PDGFRB: variants seen among roughly 807,000 people sequenced by gnomAD.
The protein encoded by PDGFRB is platelet-derived growth factor receptor beta.
Under a neutral mutation model 120.2 loss-of-function variants are expected in PDGFRB, and 42 were observed. The ratio of observed to expected loss-of-function variants is 0.35; its 90% CI spans 0.27 to 0.45. The LOEUF (loss-of-function observed/expected upper bound fraction) is 0.45. PDGFRB is among the 20% of genes least tolerant of loss of function. The pLI, the probability that PDGFRB is intolerant of heterozygous loss-of-function variation, is 1.00. For synonymous variants in PDGFRB, 586 were observed against 606.8 expected (o/e 0.97, Z 0.50); for missense variants, 1,149 against 1,476.3 (o/e 0.78, Z 3.63).
intron 6 of PDGFRB, 79 bp from the exon 7 acceptor site, chr5:150,133,021 TG>T: frequency 9.6e-7 from 1 of 1,036,670 alleles, no homozygotes; most frequent in Admixed American, 2.3e-5. Flanking sequence ...GCCTGTGGGG[TG>T]GGGCTTCAGG....
At chr5:150,148,570 G>A (rs1760987317) in intron 1 of PDGFRB, among the ~76,000 whole-genome samples, 1 of 152,268 alleles carries the variant, frequency 6.6e-6, no homozygotes, top group Non-Finnish European at 1.5e-5. Flanking sequence ...AGCCCCGCCA[G>A]GCTGGGAGCA....
intron 22 of PDGFRB, 148 bp from the exon 23 acceptor site, chr5:150,116,094 C>T: frequency 1.6e-6 from 1 of 637,352 alleles, no homozygotes. Context: ...CTATGCAAGG[C>T]CTGCACCGTG....
intron 1 of PDGFRB, among the ~76,000 whole-genome samples, chr5:150,154,676 G>T (rs536832722): frequency 6.6e-6 from 1 of 152,166 alleles, no homozygotes; most frequent in African/African-American, 2.4e-5. Flanking sequence ...GGGAGACAAC[G>T]AGGAGGCCTG....
At chr5:150,139,297 A>G (rs1760716831) in intron 1 of PDGFRB, among the ~76,000 whole-genome samples, 1 of 152,074 alleles carries the variant, frequency 6.6e-6, no homozygotes, top group South Asian at 2.1e-4. Context: ...TGGCTTTACT[A>G]TGAATAGAGC....
rs201183721 is a variant in PDGFRB at position 150,124,352 on chromosome 5, G to A, written c.1921C>T (p.Arg641Cys). 12 of 1,613,612 alleles carry A rather than the reference G, an allele frequency of 7.4e-6. No homozygotes were observed. In the African/African-American group the frequency reaches 8.0e-5, roughly 11 times the overall value. The change falls in exon 14 of 23, where the codon CGC becomes TGC. Residue 641 changes from arginine (R) to cysteine (C), a missense_variant. Physicochemically the swap from Arg to Cys is radical, Grantham distance 180. This residue lies in a region of PDGFRB where 879 missense variants were observed against 1,108.6 expected (regional missense o/e 0.79). Coordinates refer to ENST00000261799, the MANE Select transcript of PDGFRB (RefSeq NM_002609.4). Reference sequence around the variant, plus strand: ...ATAAGGGCTTGCTTCTCACTGCTGCGGGCTGTGGCTGAGGAAAATGGGGGC... The same window carrying A: ...ATAAGGGCTTGCTTCTCACTGCTGCAGGCTGTGGCTGAGGAAAATGGGGGC... ...VAVKMLKSTA[R>C]SSEKQALMSE...
chr5:150,146,412 A>G (rs1440625474), intron 1 of PDGFRB, among the ~76,000 whole-genome samples: 4 of 152,152 alleles, frequency 2.6e-5, no homozygotes, highest in Admixed American at 6.5e-5. Flanking sequence ...AGGGGGGTAC[A>G]CTCATTATTC....
intron 1 of PDGFRB, among the ~76,000 whole-genome samples, chr5:150,137,857 GA>G (rs1760680353): frequency 6.6e-6 from 1 of 152,224 alleles, no homozygotes; most frequent in Non-Finnish European, 1.5e-5. Flanking sequence ...GAGACAGAGA[GA>G]AAGAGACCTG....
At chr5:150,116,558 G>A (rs926751959) in intron 22 of PDGFRB, among the ~76,000 whole-genome samples, 3 of 151,828 alleles carry the variant, frequency 2.0e-5, no homozygotes, top group East Asian at 1.9e-4. Context: ...GCAGTGAGCC[G>A]AGATCGCGCC....
chr5:150,117,540 G>GCGCGCGCA (rs1361050930), intron 22 of PDGFRB, 78 bp downstream of exon 22: 16 of 593,412 alleles, frequency 2.7e-5, no homozygotes, highest in South Asian at 5.8e-5. Flanking sequence ...GCGCGCGCGC[G>GCGCGCGCA]CGCGCACACA....
At position 150,121,882 on chromosome 5, in the gene PDGFRB, G is replaced by A; in HGVS notation, c.2342C>T (p.Ser781Phe). The change falls in exon 16 of 23, where the codon TCT (serine) becomes TTT (phenylalanine). Residue 781 changes from serine to phenylalanine, a missense_variant and splice_region_variant. Ser to Phe is a radical substitution (Grantham distance 155). Coordinates refer to ENST00000261799, the MANE Select transcript of PDGFRB (RefSeq NM_002609.4). The surrounding 1 kb of genome is among the most constrained non-coding windows in gnomAD (Gnocchi z 4.1). ...YMAPYDNYVP[S>F]APERTCRATL... is the part of the protein sequence containing the mutation. The stretch of plus-strand genomic sequence containing the variant: ...ACTATGTCACTATGTCCACCCACCA[G>A]AGGGAACGTAGTTATCGTAAGGGGC... The A allele has an allele frequency of 6.2e-7, 1 of 1,611,144 alleles. No individual in the cohort carries two copies. Among genetic ancestry groups the A allele is most frequent in the Non-Finnish European group, 8.5e-7 (1 of 1,177,386 alleles).
chr5:150,121,861 T>G lies in PDGFRB; in HGVS notation c.2344+19A>C. 1 of 1,593,750 alleles carries G rather than the reference T, an allele frequency of 6.3e-7. No homozygotes were observed. The highest frequency in any genetic ancestry group is 8.6e-7 in the Non-Finnish European group (1 of 1,161,866). On this transcript the variant is annotated intron_variant, in intron 16 of 22. Transcript: ENST00000261799. The surrounding 1 kb of genome is among the most constrained non-coding windows in gnomAD (Gnocchi z 4.1). ...CAGCCTGTTTGGATGTGGGGTACTA[T>G]GTCACTATGTCCACCCACCAGAGGG...
rs1282693161 is a variant in PDGFRB at position 150,130,654 on chromosome 5, G to A, written c.1252C>T (p.Arg418Ter). ...SFQLQINVPV[R>*]VLELSESHPD... ...TGGCTCTCACTTAGCTCCAGCACTCGGACAGGGACTGCATGGAGAGAGCAC... is the reference window on the plus strand; with the variant it reads ...TGGCTCTCACTTAGCTCCAGCACTCAGACAGGGACTGCATGGAGAGAGCAC... The change falls in exon 9 of 23, where the codon CGA (arginine) becomes TGA (stop). Residue 418 changes from arginine (R) to a stop codon, truncating the protein, a stop_gained. Coordinates refer to ENST00000261799, the MANE Select transcript of PDGFRB (RefSeq NM_002609.4). LOFTEE classifies it high-confidence loss of function. 1 of 1,613,166 alleles carries A rather than the reference G, an allele frequency of 6.2e-7. No individual in the cohort carries two copies. Among genetic ancestry groups the A allele is most frequent in the South Asian group, 1.1e-5 (1 of 91,050 alleles).
intron 10 of PDGFRB, among the ~76,000 whole-genome samples, chr5:150,127,833 TA>T (rs56899708): frequency 0.3 from 18,637 of 61,510 alleles, 1,934 homozygotes; most frequent in Middle Eastern, 0.36. Context: ...GACTCCATCT[TA>T]AAAAAAAAAA....
At position 150,133,869 on chromosome 5, in the gene PDGFRB, G is replaced by A. The variant is rs1168255998; in HGVS notation, c.759+12C>T. 1.2e-6 allele frequency: 2 copies of A among 1,613,894 alleles called. No homozygotes were observed. The highest frequency in any genetic ancestry group is 2.7e-5 in the African/African-American group (2 of 74,916). On this transcript the variant is annotated intron_variant, in intron 5 of 22. Transcript: ENST00000261799. ...TGGCCCCTCCTCCGACCCCTGCCTGGCCCCACATTACTTCTTTGCGGGGGT... is the reference window on the plus strand; with the variant it reads ...TGGCCCCTCCTCCGACCCCTGCCTGACCCCACATTACTTCTTTGCGGGGGT...
In PDGFRB at chr5:150,121,320, G is replaced by A. The variant is rs1359322474; in HGVS notation, c.2347C>T (p.Pro783Ser). Reference sequence around the variant, plus strand: ...AAAGTTGCTCGGCAGGTCCTCTCAGGGGCTAGAGGAGAAGCAGAGGGTCAC... The same window carrying A: ...AAAGTTGCTCGGCAGGTCCTCTCAGAGGCTAGAGGAGAAGCAGAGGGTCAC... The part of the protein sequence containing the change: ...APYDNYVPSA[P>S]ERTCRATLIN... Residue 783 changes from proline to serine, a missense_variant and splice_region_variant, in exon 17 of 23, where the codon CCT becomes TCT. Coordinates refer to ENST00000261799, the MANE Select transcript of PDGFRB (RefSeq NM_002609.4). This position sits in a 1 kb window ranked among gnomAD's most constrained non-coding sequence, Gnocchi z 4.1. 1 of 1,435,030 alleles carries A rather than the reference G, an allele frequency of 7.0e-7. No individual in the cohort carries two copies. The highest frequency in any genetic ancestry group is 9.8e-7 in the Non-Finnish European group (1 of 1,016,332). The allele number at this position is 1,435,030 out of a possible 1,614,324, so 88.9% of individuals were successfully genotyped here. A position where few individuals can be genotyped will look rare whatever the true frequency, so the allele number is the denominator to read the frequency against.
In PDGFRB at chr5:150,121,273, T is replaced by G. The variant is rs1405199763; in HGVS notation, c.2394A>C (p.Leu798=). 1.9e-6 allele frequency: 3 copies of G among 1,608,510 alleles called. No homozygotes were observed. The Admixed American group carries it at 5.0e-5, about 27-fold the overall frequency. The change falls in exon 17 of 23, where the codon CTA becomes CTC. Residue 798 remains leucine, a synonymous_variant. Transcript: ENST00000261799. The surrounding 1 kb of genome is among the most constrained non-coding windows in gnomAD (Gnocchi z 4.1). ...TGAAGCCCACGAGGTCCATGTAGCT[T>G]AGCACTGGAGACTCGTTGATCAAAG... ...RATLINESPV[L]SYMDLVGFSY... is the part of the protein sequence containing the mutation.
At chr5:150,128,640 T>C (rs1159912594) in intron 10 of PDGFRB, among the ~76,000 whole-genome samples, 2 of 152,274 alleles carry the variant, frequency 1.3e-5, no homozygotes, top group African/African-American at 4.8e-5. Flanking sequence ...CCATTCCCTC[T>C]GAGTGGGACA....
intron 4 of PDGFRB, 119 bp downstream of exon 4, chr5:150,134,631 G>A: frequency 2.2e-6 from 2 of 909,224 alleles, no homozygotes; most frequent in Non-Finnish European, 1.7e-6. Context: ...TTCCTTCGAA[G>A]GCTGTGGTGA....
chr5:150,145,327 G>C (rs960458679), intron 1 of PDGFRB, among the ~76,000 whole-genome samples: 7 of 152,204 alleles, frequency 4.6e-5, no homozygotes, highest in African/African-American at 1.7e-4. Flanking sequence ...CCCACAGTAG[G>C]CTGGCTATTA....
Sources: allele counts gnomAD v4.1 joint callset (sites outside exome capture counted in the v4.1 genomes callset), GRCh38; gene constraint gnomAD v4.1.1; regional missense constraint gnomAD v4.1.1; non-coding constraint Gnocchi (gnomAD v3.1); transcripts MANE v1.5; gene names NCBI Gene and HGNC (gene_info 2026-07-23, HGNC 2026-07-21).